Variants in CTTNBP2NL observed in about 807,000 individuals in gnomAD.
The protein encoded by CTTNBP2NL is CTTNBP2 N-terminal-like protein.
CTTNBP2NL carries 16 observed loss-of-function variants against 32.5 expected under a neutral mutation model. The observed-to-expected ratio is 0.49, with a 90% CI of 0.33 to 0.75. CTTNBP2NL has a LOEUF of 0.75. CTTNBP2NL is among the 30% of genes least tolerant of loss of function. The pLI is 0.02. For missense variants in CTTNBP2NL, 645 were observed against 756.0 expected, an observed-to-expected ratio of 0.85 and a Z score of 1.72; for synonymous variants, 298 against 289.4, an observed-to-expected ratio of 1.03 and a Z score of -0.30.
rs527787847 is a variant in CTTNBP2NL, at chr1:112,454,499, T to G, written c.381T>G (p.Ala127=). ...GGCAGCGGCATGCACAGGATACGGC[T>G]GAAGGAGATGATGTCACCTACATGC... ...EERQRHAQDT[A]EGDDVTYMLE... Residue 127 remains alanine (A), a synonymous_variant, in exon 5 of 6, where the codon GCT becomes GCG. Transcript: ENST00000271277. 2.3e-5 allele frequency: 37 copies of G among 1,614,140 alleles called. No homozygotes were observed. In the African/African-American group the frequency reaches 4.8e-4, roughly 21 times the overall value.
chr1:112,457,310 A>G lies in CTTNBP2NL; in HGVS notation c.1818A>G (p.Ala606=), dbSNP rs767342847. The change falls in exon 6 of 6, where the codon GCA becomes GCG. Residue 606 remains alanine (A), a synonymous_variant. Transcript: ENST00000271277. ...CATTGACCAAAACTCATTCCCAGGC[A>G]GCCTCTTTGACCACTGCAGAAGACC... is the stretch of plus-strand genomic sequence containing the variant. ...TTPLTKTHSQ[A]ASLTTAEDLA... is the part of the protein sequence containing the mutation. 13 of 1,614,208 alleles carry G rather than the reference A, an allele frequency of 8.1e-6. No homozygotes were observed. The Admixed American group carries it at 2.2e-4, about 27-fold the overall frequency.
intron 3 of CTTNBP2NL, among the ~76,000 whole-genome samples, chr1:112,437,546 C>T (rs896249957): frequency 2.6e-5 from 4 of 151,922 alleles, no homozygotes; most frequent in South Asian, 2.1e-4. Context: ...TGTTTTGAGA[C>T]GGAGTCTCAC....
At chr1:112,453,962 T>C (rs1428681021) in intron 4 of CTTNBP2NL, among the ~76,000 whole-genome samples, 2 of 152,188 alleles carry the variant, frequency 1.3e-5, no homozygotes, top group African/African-American at 4.8e-5. Context: ...TATTATTAGT[T>C]AAACAAGGCA....
chr1:112,415,907 C>G (rs929926113), intron 2 of CTTNBP2NL: 4 of 378,074 alleles, frequency 1.1e-5, no homozygotes, highest in African/African-American at 6.5e-5. Flanking sequence ...GTAAACGTGT[C>G]TGGAGGAAAT....
intron 3 of CTTNBP2NL, among the ~76,000 whole-genome samples, chr1:112,445,970 G>T (rs183273953): frequency 8.3e-4 from 127 of 152,240 alleles, no homozygotes; most frequent in African/African-American, 2.8e-3. Context: ...AAAGGAAAAG[G>T]TTATTAAAAG....
chr1:112,392,208 C>T (rs189512890), upstream of CTTNBP2NL, among the ~76,000 whole-genome samples: 16 of 152,264 alleles, frequency 1.1e-4, no homozygotes, highest in African/African-American at 3.1e-4. Flanking sequence ...ATTCTGTGTT[C>T]ATCACTTATG....
At chr1:112,445,387 G>A (rs1650008673) in intron 3 of CTTNBP2NL, among the ~76,000 whole-genome samples, 1 of 151,292 alleles carries the variant, frequency 6.6e-6, no homozygotes. Flanking sequence ...TCTGTTTTGG[G>A]GTTTTTTTAT....
In CTTNBP2NL at chr1:112,448,862, T is replaced by G. The variant is rs978240670; in HGVS notation, c.100-80T>G. 24 of 773,806 alleles carry G rather than the reference T, an allele frequency of 3.1e-5. No individual in the cohort carries two copies. The African/African-American group carries it at 4.0e-4, about 13-fold the overall frequency. The allele number at this position is 773,806 out of a possible 1,614,324, so 47.9% of individuals were successfully genotyped here. A position where few individuals can be genotyped will look rare whatever the true frequency, so the allele number is the denominator to read the frequency against. ...TTTATACTAATACCACAACCTTTAA[T>G]GTATAACCACTGGATAGCAAATCCC... On this transcript the variant is annotated intron_variant, in intron 3 of 5. Transcript: ENST00000271277.
intron 1 of CTTNBP2NL, among the ~76,000 whole-genome samples, chr1:112,397,210 A>T (rs768466790): frequency 2.0e-5 from 3 of 152,226 alleles, no homozygotes; most frequent in African/African-American, 4.8e-5. Flanking sequence ...AACAGTATAC[A>T]TAAGTAAATA....
At chr1:112,414,921 G>C (rs1264148192) in intron 2 of CTTNBP2NL, 1 of 152,246 alleles carries the variant, frequency 6.6e-6, no homozygotes, top group Non-Finnish European at 1.5e-5. Context: ...TGGCACAGTG[G>C]CTCATGCCTG....
chr1:112,452,362 TAGAC>T (rs1435362266), intron 4 of CTTNBP2NL, among the ~76,000 whole-genome samples: 1 of 127,778 alleles, frequency 7.8e-6, no homozygotes, highest in Non-Finnish European at 1.6e-5. Flanking sequence ...TTTTTTTTTT[TAGAC>T]AGAGTTTCAC....
At chr1:112,414,178 C>T (rs775770198) in intron 2 of CTTNBP2NL, among the ~76,000 whole-genome samples, 3 of 152,084 alleles carry the variant, frequency 2.0e-5, no homozygotes, top group Non-Finnish European at 4.4e-5. Flanking sequence ...CCAGCCTTGC[C>T]AACATGGTGA....
At chr1:112,417,065 A>G (rs1649089788) in intron 3 of CTTNBP2NL, among the ~76,000 whole-genome samples, 1 of 152,200 alleles carries the variant, frequency 6.6e-6, no homozygotes, top group African/African-American at 2.4e-5. Flanking sequence ...CATCTGTCTC[A>G]ATCCCTTCAT....
At chr1:112,402,685 G>A (rs1035485670) in intron 1 of CTTNBP2NL, among the ~76,000 whole-genome samples, 6 of 152,174 alleles carry the variant, frequency 3.9e-5, no homozygotes, top group African/African-American at 1.2e-4. Context: ...AACCAATCTA[G>A]TTCTTAACTG....
chr1:112,407,252 G>T (rs72697073), intron 1 of CTTNBP2NL, among the ~76,000 whole-genome samples: 9,041 of 152,238 alleles, frequency 0.059, 292 homozygotes, highest in Non-Finnish European at 0.079. Flanking sequence ...CTAATCATCT[G>T]TCAAAGTAGT....
intron 3 of CTTNBP2NL, among the ~76,000 whole-genome samples, chr1:112,445,242 C>G (rs1251581642): frequency 1.3e-5 from 2 of 152,236 alleles, no homozygotes; most frequent in East Asian, 3.9e-4. Flanking sequence ...CTCCCAGATT[C>G]CTGACCCTCC....
chr1:112,429,260 A>G (rs1438822151), intron 3 of CTTNBP2NL, among the ~76,000 whole-genome samples: 1 of 152,248 alleles, frequency 6.6e-6, no homozygotes. Context: ...GTGTTTCATT[A>G]AAAACTGTAC....
chr1:112,398,150 TA>T (rs1175631670), intron 1 of CTTNBP2NL, among the ~76,000 whole-genome samples: 2 of 152,046 alleles, frequency 1.3e-5, no homozygotes, highest in Non-Finnish European at 2.9e-5. Context: ...GAACAGAAAA[TA>T]AACTAAGGTA....
chr1:112,429,249 T>C (rs1413741537), intron 3 of CTTNBP2NL, among the ~76,000 whole-genome samples: 1 of 152,228 alleles, frequency 6.6e-6, no homozygotes, highest in Non-Finnish European at 1.5e-5. Context: ...AGAGATAAAA[T>C]GTGTTTCATT....
Sources: allele counts gnomAD v4.1 joint callset (sites outside exome capture counted in the v4.1 genomes callset), GRCh38; gene constraint gnomAD v4.1.1; transcripts MANE v1.5; gene names NCBI Gene and HGNC (gene_info 2026-07-23, HGNC 2026-07-21).